Variants in ASH1L observed in about 807,000 individuals in gnomAD.
The protein encoded by ASH1L is histone-lysine N-methyltransferase ASH1L.
ASH1L carries 23 observed loss-of-function variants against 269.0 expected under a neutral mutation model. The observed-to-expected ratio is 0.09, with a 90% CI of 0.06 to 0.12. The LOEUF (loss-of-function observed/expected upper bound fraction) is 0.12, where lower values mean the gene tolerates loss of function less well. ASH1L is among the 10% of genes least tolerant of loss of function. The pLI is 1.00. For missense variants in ASH1L, 2,912 were observed against 3,567.8 expected (o/e 0.82, Z 4.68); for synonymous variants, 1,187 against 1,253.5 (o/e 0.95, Z 1.12).
intron 1 of ASH1L, among the ~76,000 whole-genome samples, chr1:155,528,962 T>C (rs185934080): frequency 1.4e-3 from 215 of 152,292 alleles, no homozygotes; most frequent in Middle Eastern, 3.4e-3. Flanking sequence ...TTTGATTTTC[T>C]GTTCCTGCAC....
chr1:155,433,333 T>C (rs1306595587), intron 5 of ASH1L: 1 of 1,587,620 alleles, frequency 6.3e-7, no homozygotes, highest in Non-Finnish European at 8.6e-7. Context: ...GGCCGGGAGT[T>C]GGGTCAGGCT....
At chr1:155,387,792 T>C (rs1221419952) in intron 7 of ASH1L, among the ~76,000 whole-genome samples, 2 of 152,264 alleles carry the variant, frequency 1.3e-5, no homozygotes. Flanking sequence ...TTTCCATTTG[T>C]GTCTTCGCTG....
chr1:155,546,740 G>C (rs1670853131), intron 1 of ASH1L, among the ~76,000 whole-genome samples: 2 of 151,374 alleles, frequency 1.3e-5, no homozygotes, highest in Admixed American at 6.6e-5. Flanking sequence ...CCTGGTGACA[G>C]AGCAAGACTC....
At position 155,521,100 on chromosome 1, in the gene ASH1L, T is replaced by G. The variant is rs746478163; in HGVS notation, c.420A>C (p.Arg140=). 1 of 1,584,720 alleles carries G rather than the reference T, an allele frequency of 6.3e-7. No homozygotes were observed. The highest frequency in any genetic ancestry group is 1.9e-5 in the Admixed American group (1 of 52,750). ...DEKNEHCPSK[R]DPSKLYKKAD... is the part of the protein sequence containing the mutation. Reference sequence around the variant, plus strand: ...ACATATTGTTAGGAATTCTACTTACTCGTTTTGAAGGACAGTGTTCATTCT... The same window carrying G: ...ACATATTGTTAGGAATTCTACTTACGCGTTTTGAAGGACAGTGTTCATTCT... The change falls in exon 2 of 28, where the codon CGA becomes CGC. Residue 140 remains arginine, a splice_region_variant and synonymous_variant. Coordinates refer to ENST00000392403, the MANE Select transcript of ASH1L (RefSeq NM_018489.3).
chr1:155,551,003 T>G (rs1671160829), intron 1 of ASH1L, among the ~76,000 whole-genome samples: 1 of 152,056 alleles, frequency 6.6e-6, no homozygotes, highest in Non-Finnish European at 1.5e-5. Context: ...TAAAATTTTT[T>G]TAGAGACATG....
chr1:155,468,231 A>ATTTT (rs141205897), intron 3 of ASH1L, among the ~76,000 whole-genome samples: 1 of 148,822 alleles, frequency 6.7e-6, no homozygotes. Context: ...TATTATTATT[A>ATTTT]TTTTTTTTTT....
At chr1:155,361,413 A>T (rs1654926960) in intron 12 of ASH1L, among the ~76,000 whole-genome samples, 1 of 146,590 alleles carries the variant, frequency 6.8e-6, no homozygotes, top group Admixed American at 7.1e-5. Flanking sequence ...GCTACTTAGG[A>T]GGTTGAGGCA....
At chr1:155,344,767 C>T (rs1653103261) in intron 21 of ASH1L, among the ~76,000 whole-genome samples, 1 of 152,074 alleles carries the variant, frequency 6.6e-6, no homozygotes, top group African/African-American at 2.4e-5. Context: ...AGCACAGAAC[C>T]CACTTAATGA....
At chr1:155,434,307 C>T (rs1661896705) in intron 5 of ASH1L, 1 of 1,565,644 alleles carries the variant, frequency 6.4e-7, no homozygotes, top group Non-Finnish European at 8.7e-7. Flanking sequence ...AGGGGAGGAG[C>T]TAGGGAAAGA....
rs1234781587 is a variant in ASH1L, at chr1:155,380,130, C to T, written c.6104-14G>A. 4.4e-6 allele frequency: 7 copies of T among 1,595,676 alleles called. No individual in the cohort carries two copies. Among genetic ancestry groups the T allele is most frequent in the South Asian group, 2.2e-5 (2 of 90,608 alleles). ...TTAGATACTTTCCTGAAACAAAAAA[C>T]ACTATTAATTTCAATACCTTTTCTA... On this transcript the variant is annotated splice_polypyrimidine_tract_variant and intron_variant, in intron 7 of 27. Transcript: ENST00000392403.
At chr1:155,455,767 T>C (rs895087323) in intron 4 of ASH1L, among the ~76,000 whole-genome samples, 4 of 152,224 alleles carry the variant, frequency 2.6e-5, no homozygotes, top group Admixed American at 6.5e-5. Context: ...ATTACAAACC[T>C]ATGACAAATT....
At position 155,478,593 on chromosome 1, in the gene ASH1L, T is replaced by C. The variant is rs768487385; in HGVS notation, c.4277A>G (p.Tyr1426Cys). Residue 1426 changes from tyrosine to cysteine, a missense_variant, in exon 3 of 28, where the codon TAT becomes TGT. Tyr to Cys is a radical substitution (Grantham distance 194, BLOSUM62 -2). Transcript: ENST00000392403. This position sits in a 1 kb window ranked among gnomAD's most constrained non-coding sequence, Gnocchi z 4.6. ...GAGAAGTAAATGACCAGCATGCATA[T>C]AGGAAGGAGGTGGAAGTGGCGTGGT... ...SFTTPLPPPS[Y>C]MHAGHLLLNP... 4 of 1,613,838 alleles carry C rather than the reference T, an allele frequency of 2.5e-6. No homozygotes were observed. The highest frequency in any genetic ancestry group is 3.4e-6 in the Non-Finnish European group (4 of 1,179,986).
Position 155,438,430 on chromosome 1 carries a change from C to A in ASH1L, c.5725G>T (p.Glu1909Ter). ...TTTCTCTTCAACCCCTTTTTATGTT[C>A]TGGGTTCAGATTTACACTCTGAACA... The part of the protein sequence containing the change: ...AVVQSVNLNP[E>*]HKKGLKRKGW... The change falls in exon 5 of 28, where the codon GAA becomes TAA. Residue 1909 changes from glutamate to a stop codon, truncating the protein, a stop_gained. Transcript: ENST00000392403. LOFTEE classifies it high-confidence loss of function. 6.2e-7 allele frequency: 1 copy of A among 1,613,470 alleles called. No homozygotes were observed. The highest frequency in any genetic ancestry group is 1.1e-5 in the South Asian group (1 of 90,916).
At chr1:155,520,518 C>T (rs1668813375) in intron 2 of ASH1L, among the ~76,000 whole-genome samples, 1 of 151,600 alleles carries the variant, frequency 6.6e-6, no homozygotes, top group African/African-American at 2.4e-5. Flanking sequence ...TTCGGTCAGA[C>T]ACAGTGGCTT....
intron 12 of ASH1L, among the ~76,000 whole-genome samples, chr1:155,369,645 T>C (rs1571020420): frequency 6.6e-6 from 1 of 152,200 alleles, no homozygotes; most frequent in East Asian, 1.9e-4. Context: ...ACTTTTTTTA[T>C]TTCTCTTTGT....
intron 5 of ASH1L, among the ~76,000 whole-genome samples, chr1:155,418,122 C>T (rs1381710427): frequency 2.6e-5 from 4 of 152,030 alleles, no homozygotes; most frequent in Non-Finnish European, 4.4e-5. Context: ...GTCTTGCATC[C>T]AATAATAAAT....
chr1:155,377,058 C>T (rs1237126315), intron 10 of ASH1L, among the ~76,000 whole-genome samples: 2 of 151,670 alleles, frequency 1.3e-5, no homozygotes, highest in Admixed American at 6.6e-5. Flanking sequence ...TAGGCATGAG[C>T]CACCATGCCC....
At chr1:155,382,874 T>A (rs1282563604) in intron 7 of ASH1L, among the ~76,000 whole-genome samples, 1 of 152,292 alleles carries the variant, frequency 6.6e-6, no homozygotes, top group Non-Finnish European at 1.5e-5. Context: ...TACAGGCATG[T>A]GCCACCATGC....
At chr1:155,533,975 G>A (rs1440682568) in intron 1 of ASH1L, among the ~76,000 whole-genome samples, 45 of 151,830 alleles carry the variant, frequency 3.0e-4, no homozygotes, top group Non-Finnish European at 1.3e-4. Flanking sequence ...TGTAGATACC[G>A]TCATGAGTAA....
Sources: gnomAD v4.1 joint callset for allele counts (sites outside exome capture counted in the v4.1 genomes callset) on GRCh38, gnomAD v4.1.1 for gene constraint, Gnocchi (gnomAD v3.1) non-coding constraint, MANE v1.5 for transcripts, NCBI Gene and HGNC (gene_info 2026-07-23, HGNC 2026-07-21) for gene names.